Variants in SLC30A8 observed in about 807,000 individuals in gnomAD.
SLC30A8 encodes the protein proton-coupled zinc antiporter SLC30A8.
In SLC30A8, 27 loss-of-function variants were observed where a neutral mutation model predicts 36.9. The ratio of observed to expected loss-of-function variants is 0.73; its 90% CI spans 0.54 to 1.01. The LOEUF (loss-of-function observed/expected upper bound fraction) is 1.01, where lower values mean the gene tolerates loss of function less well. Ranked by LOEUF, SLC30A8 falls within the 50% of genes least tolerant of loss-of-function variation. The probability of loss-of-function intolerance (pLI) is 0.00; values close to 1 mark genes in which losing one functional copy is unlikely to be tolerated. For missense variants in SLC30A8, 439 were observed against 452.0 expected (o/e 0.97, Z 0.26); for synonymous variants, 164 against 172.4 (o/e 0.95, Z 0.38).
chr8:116,986,973 T>C (rs1815465893), intron 1 of SLC30A8, among the ~76,000 whole-genome samples: 1 of 152,148 alleles, frequency 6.6e-6, no homozygotes, highest in Non-Finnish European at 1.5e-5. Context: ...CCTTTATAGG[T>C]CTATATCATT....
chr8:117,014,096 G>A (rs1042760917), intron 1 of SLC30A8, among the ~76,000 whole-genome samples: 3 of 152,120 alleles, frequency 2.0e-5, no homozygotes, highest in African/African-American at 7.2e-5. Flanking sequence ...TTTTGCCACT[G>A]CGTTTAATGG....
intron 2 of SLC30A8, among the ~76,000 whole-genome samples, chr8:117,102,741 T>G (rs1489810234): frequency 6.6e-6 from 1 of 152,200 alleles, no homozygotes; most frequent in Non-Finnish European, 1.5e-5. Context: ...GGTGCCTGTG[T>G]GTTTCTGTAT....
chr8:117,100,247 G>C (rs1483763208), intron 2 of SLC30A8, among the ~76,000 whole-genome samples: 1 of 152,132 alleles, frequency 6.6e-6, no homozygotes, highest in Non-Finnish European at 1.5e-5. Context: ...ATTGTCACCA[G>C]TTAATAGATA....
At chr8:116,969,541 C>T (rs1325910191) in intron 1 of SLC30A8, among the ~76,000 whole-genome samples, 1 of 152,194 alleles carries the variant, frequency 6.6e-6, no homozygotes, top group East Asian at 1.9e-4. Flanking sequence ...GACAGGAACA[C>T]ATTCTGAGAA....
intron 1 of SLC30A8, among the ~76,000 whole-genome samples, chr8:116,976,216 A>AC (rs1156451875): frequency 6.6e-6 from 1 of 150,918 alleles, no homozygotes; most frequent in African/African-American, 2.4e-5. Context: ...CTACTCACTT[A>AC]CCAGTGAAGC....
intron 1 of SLC30A8, among the ~76,000 whole-genome samples, chr8:117,028,742 G>T (rs111265046): frequency 6.6e-6 from 1 of 151,822 alleles, no homozygotes; most frequent in African/African-American, 2.4e-5. Flanking sequence ...ATATATATAT[G>T]TAGTCATATA....
At chr8:117,017,466 A>G (rs1816555263) in intron 1 of SLC30A8, among the ~76,000 whole-genome samples, 1 of 152,158 alleles carries the variant, frequency 6.6e-6, no homozygotes, top group African/African-American at 2.4e-5. Context: ...CTCAGTCAAA[A>G]TATTTGCTAA....
At chr8:117,058,397 T>G (rs1447609433) in intron 2 of SLC30A8, among the ~76,000 whole-genome samples, 18 of 152,222 alleles carry the variant, frequency 1.2e-4, no homozygotes. Context: ...GTAGTCCCAC[T>G]TGTCTGTTTT....
In SLC30A8 at chr8:117,147,093, A is replaced by C. The variant is rs1821935420; in HGVS notation, c.211A>C (p.Lys71Gln). Residue 71 changes from lysine (K) to glutamine (Q), a missense_variant, in exon 2 of 8, where the codon AAG becomes CAG. Lys to Gln is a moderately conservative substitution (Grantham distance 53). Coordinates refer to ENST00000456015, the MANE Select transcript of SLC30A8 (RefSeq NM_173851.3). ...EKGANEYAYA[K>Q]WKLCSASAIC... is the part of the protein sequence containing the mutation. ...GGGGGCGAATGAGTACGCCTATGCC[A>C]AGTGGAAACTCTGTTCTGCTTCAGC... 3 of 1,614,046 alleles carry C rather than the reference A, an allele frequency of 1.9e-6. No individual in the cohort carries two copies. Among genetic ancestry groups the C allele is most frequent in the South Asian group, 1.1e-5 (1 of 91,086 alleles).
intron 1 of SLC30A8, among the ~76,000 whole-genome samples, chr8:117,014,113 C>T (rs920113152): frequency 4.6e-5 from 7 of 151,956 alleles, no homozygotes; most frequent in East Asian, 3.9e-4. Context: ...ATGGCAAAAC[C>T]GCAATTACTT....
At chr8:117,023,451 G>A (rs1391006248) in intron 1 of SLC30A8, among the ~76,000 whole-genome samples, 3 of 152,162 alleles carry the variant, frequency 2.0e-5, no homozygotes, top group African/African-American at 7.2e-5. Flanking sequence ...ATTCACAATA[G>A]CAAAGACTTG....
chr8:117,127,376 G>A (rs1483098552), intron 2 of SLC30A8, among the ~76,000 whole-genome samples: 4 of 151,974 alleles, frequency 2.6e-5, no homozygotes, highest in Non-Finnish European at 5.9e-5. Flanking sequence ...TAAACACTAT[G>A]CTGAAGAGCA....
At chr8:117,086,853 A>G (rs1021729761) in intron 2 of SLC30A8, among the ~76,000 whole-genome samples, 1 of 152,226 alleles carries the variant, frequency 6.6e-6, no homozygotes, top group African/African-American at 2.4e-5. Context: ...AGGAATTAGA[A>G]TCACTAATAA....
intron 1 of SLC30A8, among the ~76,000 whole-genome samples, chr8:117,136,150 G>A (rs1369964764): frequency 2.0e-5 from 3 of 152,022 alleles, no homozygotes; most frequent in East Asian, 3.9e-4. Flanking sequence ...TGGAATCAGA[G>A]GAAGCTTTCT....
intron 2 of SLC30A8, among the ~76,000 whole-genome samples, chr8:117,070,568 C>T (rs1257743125): frequency 6.6e-6 from 1 of 152,194 alleles, no homozygotes; most frequent in East Asian, 1.9e-4. Context: ...CCTTGCTTAC[C>T]TATCATTTGT....
intron 2 of SLC30A8, among the ~76,000 whole-genome samples, chr8:117,093,815 G>A (rs1368822021): frequency 6.6e-6 from 1 of 152,150 alleles, no homozygotes. Context: ...TGCTTGGCTC[G>A]TGCTACTGAC....
rs1817049674 is a variant in SLC30A8 at position 117,031,544 on chromosome 8, T to A, written c.-265-7675T>A. ...GGCGCCATCTCGGCTCATTGCAACC[T>A]CTGCCTCCTGGGTTCAAGCGATTCT... On this transcript the variant is annotated intron_variant, in intron 1 of 10. Transcript: ENST00000427715. Among the ~76,000 whole-genome samples, 3 of 151,924 alleles carry A rather than the reference T, an allele frequency of 2.0e-5. No homozygotes were observed. In the South Asian group the frequency reaches 6.2e-4, roughly 32 times the overall value.
chr8:117,117,267 T>G (rs1000008555), intron 2 of SLC30A8, among the ~76,000 whole-genome samples: 1 of 151,868 alleles, frequency 6.6e-6, no homozygotes, highest in Non-Finnish European at 1.5e-5. Flanking sequence ...AACAACCCTA[T>G]GTAACAGGTA....
intron 1 of SLC30A8, among the ~76,000 whole-genome samples, chr8:117,019,401 T>A (rs1338807182): frequency 6.6e-6 from 1 of 152,228 alleles, no homozygotes; most frequent in Non-Finnish European, 1.5e-5. Context: ...ACTTTCCTTA[T>A]CATTTCCCCT....
Sources: allele counts gnomAD v4.1 joint callset (sites outside exome capture counted in the v4.1 genomes callset), GRCh38; gene constraint gnomAD v4.1.1; transcripts MANE v1.5; gene names NCBI Gene and HGNC (gene_info 2026-07-23, HGNC 2026-07-21).